The following ULK4 variants were observed in gnomAD, a reference collection of about 807,000 sequenced individuals.
ULK4 encodes the protein inactive serine/threonine-protein kinase ULK4.
In ULK4, 133 loss-of-function variants were observed where a neutral mutation model predicts 160.6. The ratio of observed to expected loss-of-function variants is 0.83; its 90% CI spans 0.72 to 0.96. The LOEUF (loss-of-function observed/expected upper bound fraction) is 0.96. Ranked by LOEUF, ULK4 falls within the 40% of genes least tolerant of loss-of-function variation. ULK4 has a pLI of 0.00. For missense variants in ULK4, 1,580 were observed against 1,499.5 expected, an observed-to-expected ratio of 1.05 and a Z score of -0.89; for synonymous variants, 534 against 539.8, an observed-to-expected ratio of 0.99 and a Z score of 0.15.
chr3:41,539,035 GT>G (rs11425607), intron 32 of ULK4, among the ~76,000 whole-genome samples: 64,311 of 139,800 alleles, frequency 0.46, 14,642 homozygotes, highest in Middle Eastern at 0.54. Flanking sequence ...CTTTTTCTTA[GT>G]TTTTTTTTTT....
intron 31 of ULK4, among the ~76,000 whole-genome samples, chr3:41,602,396 AG>A (rs1384432044): frequency 6.6e-6 from 1 of 150,920 alleles, no homozygotes; most frequent in African/African-American, 2.4e-5. Context: ...GAGAATTGGA[AG>A]GGGGAAGGGA....
chr3:41,424,861 A>G lies in ULK4; in HGVS notation c.3493-26597T>C, dbSNP rs185544553. ...AAAAAAAAAAAAAAAAAAAGGCTGA[A>G]AACTGAAAAAGCCAGAGTGTCTCTT... On this transcript the variant is annotated intron_variant, in intron 34 of 36. Transcript: ENST00000301831. Among the ~76,000 whole-genome samples, 335 of 151,330 alleles carry G rather than the reference A, an allele frequency of 2.2e-3. 3 individuals carry two copies. Among genetic ancestry groups the G allele is most frequent in the African/African-American group, 7.5e-3 (309 of 41,280 alleles).
At chr3:41,698,411 G>A (rs200776265) in intron 27 of ULK4, among the ~76,000 whole-genome samples, 8 of 152,028 alleles carry the variant, frequency 5.3e-5, no homozygotes, top group East Asian at 3.9e-4. Context: ...ATAGGATCTC[G>A]CCACCATGCC....
intron 30 of ULK4, among the ~76,000 whole-genome samples, chr3:41,620,657 T>C (rs995943719): frequency 1.3e-5 from 2 of 152,100 alleles, no homozygotes; most frequent in Non-Finnish European, 2.9e-5. Flanking sequence ...ATAGCCAATA[T>C]AATATTGAAT....
At chr3:41,424,831 C>CAA (rs36097613) in intron 34 of ULK4, among the ~76,000 whole-genome samples, 61 of 62,366 alleles carry the variant, frequency 9.8e-4, no homozygotes, top group African/African-American at 3.0e-3. Context: ...AAGAAATCAT[C>CAA]AAAAAAAAAA....
In ULK4 at chr3:41,844,775, C is replaced by T. The variant is rs1198109858; in HGVS notation, c.1657-8804G>A. ...TAAAACACTACAGTCACTCGGAAAA[C>T]TTTGGAGGTTTTTCTAAAAAAAAAA... On this transcript the variant is annotated intron_variant, in intron 17 of 36. Coordinates refer to ENST00000301831, the MANE Select transcript of ULK4 (RefSeq NM_017886.4). Among the ~76,000 whole-genome samples, 361 of 121,688 alleles carry T rather than the reference C, an allele frequency of 3.0e-3. 6 individuals carry two copies. The highest frequency in any genetic ancestry group is 4.3e-4 in the Non-Finnish European group (26 of 60,116). The allele number at this position is 121,688 out of a possible 152,430, so 79.8% of individuals were successfully genotyped here.
In ULK4 at chr3:41,426,567, C is replaced by G. The variant is rs191485061; in HGVS notation, c.3493-28303G>C. Among the ~76,000 whole-genome samples, 602 of 152,252 alleles carry G rather than the reference C, an allele frequency of 4.0e-3. 2 individuals are homozygous for G. Among genetic ancestry groups the G allele is most frequent in the African/African-American group, 0.014 (579 of 41,536 alleles). ...GCAAAAGAACTGAAATTACACCAGT[C>G]TCTCTGACCACAGTGCAATCAAATT... On this transcript the variant is annotated intron_variant, in intron 34 of 36. Transcript: ENST00000301831.
intron 21 of ULK4, among the ~76,000 whole-genome samples, chr3:41,780,648 T>C (rs1224487741): frequency 1.3e-5 from 2 of 152,136 alleles, no homozygotes; most frequent in Non-Finnish European, 2.9e-5. Context: ...CACCTAGGCT[T>C]AGGAACTTCC....
intron 31 of ULK4, among the ~76,000 whole-genome samples, chr3:41,567,463 T>C (rs1214594589): frequency 6.8e-6 from 1 of 147,642 alleles, no homozygotes; most frequent in Non-Finnish European, 1.5e-5. Context: ...TTTTTTTTTT[T>C]TTTGAGATGG....
At chr3:41,732,366 A>G (rs906085882) in intron 22 of ULK4, among the ~76,000 whole-genome samples, 7 of 152,182 alleles carry the variant, frequency 4.6e-5, no homozygotes, top group African/African-American at 1.2e-4. Context: ...AAAATGCTCA[A>G]CAACATCACC....
chr3:41,617,758 G>A (rs1313229507), intron 30 of ULK4, among the ~76,000 whole-genome samples: 2 of 152,138 alleles, frequency 1.3e-5, no homozygotes, highest in East Asian at 3.8e-4. Flanking sequence ...GCACAAAACT[G>A]GATGGGGAAT....
Position 41,447,406 on chromosome 3 carries a change from T to C in ULK4, c.3492+8091A>G, listed in dbSNP as rs2083325017. The stretch of plus-strand genomic sequence containing the variant: ...CACACCTCATATCCCGCCACATAAA[T>C]GCATGTTTTTTTACTCAACCTAGAG... On this transcript the variant is annotated intron_variant, in intron 34 of 36. Transcript: ENST00000301831. Among the ~76,000 whole-genome samples, 3 of 152,098 alleles carry C rather than the reference T, an allele frequency of 2.0e-5. No homozygotes were observed. In the South Asian group the frequency reaches 6.2e-4, roughly 32 times the overall value.
At chr3:41,271,269 T>C (rs533521049) in intron 35 of ULK4, among the ~76,000 whole-genome samples, 69 of 152,232 alleles carry the variant, frequency 4.5e-4, no homozygotes, top group Non-Finnish European at 5.1e-4. Context: ...TGTCGTCATA[T>C]GCTACTTTGC....
intron 20 of ULK4, among the ~76,000 whole-genome samples, chr3:41,798,235 A>T (rs981295978): frequency 2.6e-5 from 4 of 152,232 alleles, no homozygotes; most frequent in Non-Finnish European, 5.9e-5. Flanking sequence ...GTATAATGTT[A>T]TCTTTATAAA....
intron 19 of ULK4, among the ~76,000 whole-genome samples, chr3:41,813,712 C>T (rs1022158885): frequency 8.5e-5 from 13 of 152,296 alleles, no homozygotes; most frequent in Non-Finnish European, 8.8e-5. Context: ...ATTTATCCTA[C>T]AGTCTAAATT....
intron 20 of ULK4, among the ~76,000 whole-genome samples, chr3:41,798,877 GGAA>G (rs1454183887): frequency 4.6e-5 from 7 of 152,230 alleles, no homozygotes; most frequent in South Asian, 2.1e-4. Context: ...GAAGGGACCA[GGAA>G]GAAGATTTGG....
Position 41,865,503 on chromosome 3 carries a change from C to G in ULK4, c.1656+18371G>C, listed in dbSNP as rs575530731. Among the ~76,000 whole-genome samples the G allele has an allele frequency of 3.3e-5, 5 of 151,974 alleles. No individual in the cohort carries two copies. In the East Asian group the frequency reaches 7.8e-4, roughly 24 times the overall value. ...CATTTTCTCCTTCACAGAACACACA[C>G]CTCTCTTTCCCTCCATTAGCAACTT... is the stretch of plus-strand genomic sequence containing the variant. On this transcript the variant is annotated intron_variant, in intron 17 of 36. Transcript: ENST00000301831.
intron 35 of ULK4, among the ~76,000 whole-genome samples, chr3:41,335,715 G>C (rs1281674188): frequency 6.8e-6 from 1 of 146,990 alleles, no homozygotes; most frequent in East Asian, 2.0e-4. Context: ...ATAGGAGTTA[G>C]ATGTCAGCAG....
At chr3:41,484,267 T>G (rs1480021482) in intron 32 of ULK4, among the ~76,000 whole-genome samples, 1 of 152,068 alleles carries the variant, frequency 6.6e-6, no homozygotes, top group Non-Finnish European at 1.5e-5. Flanking sequence ...AAATAAATAT[T>G]AGAGACACCC....
Sources: allele counts gnomAD v4.1 joint callset (sites outside exome capture counted in the v4.1 genomes callset), GRCh38; gene constraint gnomAD v4.1.1; transcripts MANE v1.5; gene names NCBI Gene and HGNC (gene_info 2026-07-23, HGNC 2026-07-21).